Variants in LAT observed in about 807,000 individuals in gnomAD.
LAT encodes the protein linker for activation of T-cells family member 1.
LAT carries 12 observed loss-of-function variants against 39.1 expected under a neutral mutation model. That is an observed-to-expected ratio of 0.31 (90% confidence interval 0.20 to 0.50). LAT has a LOEUF of 0.50. Among genes scored for constraint, LAT ranks in the 20% least tolerant of loss-of-function variants. The probability of loss-of-function intolerance (pLI) is 0.98; values close to 1 mark genes in which losing one functional copy is unlikely to be tolerated. For synonymous variants in LAT, 117 were observed against 123.8 expected, an observed-to-expected ratio of 0.95 and a Z score of 0.36; for missense variants, 253 against 308.0, an observed-to-expected ratio of 0.82 and a Z score of 1.34.
In LAT at chr16:28,986,087, C is replaced by T; in HGVS notation, c.164-48C>T. The T allele has an allele frequency of 6.6e-7, 1 of 1,505,562 alleles. No homozygotes were observed. Among genetic ancestry groups the T allele is most frequent in the Non-Finnish European group, 9.1e-7 (1 of 1,099,026 alleles). 93.3% of individuals were successfully genotyped at this position (1,505,562 alleles called of 1,614,324 possible). A position where few individuals can be genotyped will look rare whatever the true frequency, so the allele number is the denominator to read the frequency against. On this transcript the variant is annotated intron_variant, in intron 3 of 11. Coordinates refer to ENST00000395456, the MANE Select transcript of LAT (RefSeq NM_001014987.2). This position sits in a 1 kb window ranked among gnomAD's most constrained non-coding sequence, Gnocchi z 5.7. ...AGGGGCTTAGTCTGTTCTTTGAGGCCTTGACGATGTCCGGAGTCCTTCTTT... is the reference window on the plus strand; with the variant it reads ...AGGGGCTTAGTCTGTTCTTTGAGGCTTTGACGATGTCCGGAGTCCTTCTTT...
At chr16:28,990,062 G>T in intron 11 of LAT, 43 bp downstream of exon 11, 4 of 1,519,630 alleles carry the variant, frequency 2.6e-6, no homozygotes, top group Non-Finnish European at 3.6e-6. Context: ...GGGCCCACAG[G>T]CTCTACTCCT....
Position 28,986,196 on chromosome 16 carries a change from G to A in LAT, c.225G>A (p.Gln75=). The A allele has an allele frequency of 3.7e-6, 6 of 1,601,978 alleles. No homozygotes were observed. The highest frequency in any genetic ancestry group is 5.1e-6 in the Non-Finnish European group (6 of 1,173,708). Reference sequence around the variant, plus strand: ...TCACCTCCTACCCACCCCTGAGCCAGCCAGACCTGCTCCCCATCCCGTGAG... The same window carrying A: ...TCACCTCCTACCCACCCCTGAGCCAACCAGACCTGCTCCCCATCCCGTGAG... ...PPVTSYPPLS[Q]PDLLPIPRSP... The change falls in exon 4 of 12, where the codon CAG becomes CAA. Residue 75 remains glutamine, a synonymous_variant. Transcript: ENST00000395456. The surrounding 1 kb of genome is among the most constrained non-coding windows in gnomAD (Gnocchi z 5.7).
intron 8 of LAT, among the ~76,000 whole-genome samples, chr16:28,987,351 G>A (rs559618769): frequency 7.2e-5 from 11 of 151,940 alleles, no homozygotes; most frequent in African/African-American, 2.7e-4. Context: ...GCTCTTTCTC[G>A]TTCTCTGGCT....
At chr16:28,990,079 C>T (rs1488027768) in intron 11 of LAT, 60 bp downstream of exon 11, 34 of 1,427,758 alleles carry the variant, frequency 2.4e-5, no homozygotes, top group Non-Finnish European at 3.1e-5. Flanking sequence ...TCCTTCCCTC[C>T]AGGACCCCCT....
chr16:28,989,425 T>A, intron 8 of LAT, 102 bp from the exon 9 acceptor site: 1 of 1,002,760 alleles, frequency 1.0e-6, no homozygotes, highest in Non-Finnish European at 1.5e-6. Flanking sequence ...CTCTGGGGTC[T>A]ACCGTTGGGG....
intron 8 of LAT, chr16:28,989,175 C>T (rs558867911): frequency 1.2e-4 from 27 of 224,966 alleles, no homozygotes; most frequent in Non-Finnish European, 2.1e-4. Context: ...CCTCCACACA[C>T]GCCACCAAAC....
chr16:28,987,779 T>A (rs1432613894), intron 8 of LAT: 1 of 152,092 alleles, frequency 6.6e-6, no homozygotes, highest in Non-Finnish European at 1.5e-5. Flanking sequence ...ATATAACAGT[T>A]AAGGAGGCAG....
chr16:28,986,955 G>A lies in LAT; in HGVS notation c.493+62G>A. ...TAGGGATAGGCTGGAGTGCAGTGGT[G>A]CCATTGTAGCTCGCTGCAGCCTTGA... On this transcript the variant is annotated intron_variant, in intron 8 of 11. Transcript: ENST00000395456. This position sits in a 1 kb window ranked among gnomAD's most constrained non-coding sequence, Gnocchi z 5.7. The A allele has an allele frequency of 7.4e-7, 1 of 1,357,290 alleles. No individual in the cohort carries two copies. Among genetic ancestry groups the A allele is most frequent in the Non-Finnish European group, 1.0e-6 (1 of 974,444 alleles). 84.1% of individuals were successfully genotyped at this position (1,357,290 alleles called of 1,614,324 possible).
rs1567532994 is a variant in LAT, at chr16:28,990,336, TG to T, written c.*159del. On this transcript the variant is annotated 3_prime_UTR_variant, in exon 12 of 12. Transcript: ENST00000395456. ...ATCCCCCCGTAACTTATTATCACTTTGGGGTTCGGCCTGTGTCCCCCGAACG... is the reference window on the plus strand; with the variant it reads ...ATCCCCCCGTAACTTATTATCACTTTGGGTTCGGCCTGTGTCCCCCGAACG... 2 of 560,906 alleles carry T rather than the reference TG, an allele frequency of 3.6e-6. No homozygotes were observed. Among genetic ancestry groups the T allele is most frequent in the Admixed American group, 4.5e-5 (2 of 44,280 alleles). 34.7% of individuals were successfully genotyped at this position (560,906 alleles called of 1,614,324 possible). A position where few individuals can be genotyped will look rare whatever the true frequency, so the allele number is the denominator to read the frequency against.
intron 8 of LAT, chr16:28,988,260 C>G (rs1965803149): frequency 6.6e-6 from 1 of 152,316 alleles, no homozygotes; most frequent in Non-Finnish European, 1.5e-5. Flanking sequence ...CAGGGTTTAT[C>G]TGTTTAACAG....
In LAT at chr16:28,985,738, T is replaced by C. The variant is rs139864999; in HGVS notation, c.126T>C (p.Asp42=). ...LPGSYDSTSS[D]SLYPRGIQFK... The stretch of plus-strand genomic sequence containing the variant: ...GCTCCTACGACAGCACATCCTCAGA[T>C]AGGTGAGTCCGCCCCAGCCGCCCTG... Residue 42 remains aspartate, a splice_region_variant and synonymous_variant, in exon 2 of 12, where the codon GAT becomes GAC. Coordinates refer to ENST00000395456, the MANE Select transcript of LAT (RefSeq NM_001014987.2). The surrounding 1 kb of genome is among the most constrained non-coding windows in gnomAD (Gnocchi z 4.6). 139 of 1,614,020 alleles carry C rather than the reference T, an allele frequency of 8.6e-5. No homozygotes were observed. In the African/African-American group the frequency reaches 1.7e-3, roughly 19 times the overall value.
Position 28,989,576 on chromosome 16 carries a change from A to G in LAT, c.543A>G (p.Ala181=). The part of the protein sequence containing the change: ...YVNVPESGES[A]EASLDGSREY... ...ACGTTCCGGAGAGCGGGGAGAGCGCAGAAGCGTCTCTGGGTGAGTGACCGG... is the reference window on the plus strand; with the variant it reads ...ACGTTCCGGAGAGCGGGGAGAGCGCGGAAGCGTCTCTGGGTGAGTGACCGG... The change falls in exon 9 of 12, where the codon GCA becomes GCG. Residue 181 remains alanine (A), a synonymous_variant. Coordinates refer to ENST00000395456, the MANE Select transcript of LAT (RefSeq NM_001014987.2). 1.2e-6 allele frequency: 2 copies of G among 1,611,184 alleles called. No individual in the cohort carries two copies. Among genetic ancestry groups the G allele is most frequent in the South Asian group, 1.1e-5 (1 of 90,610 alleles).
chr16:28,984,992 A>AG, upstream of LAT: 5 of 1,433,362 alleles, frequency 3.5e-6, no homozygotes, highest in Non-Finnish European at 4.6e-6. Context: ...TGGGGTGGGA[A>AG]GGGGGCGGGT....
In LAT at chr16:28,989,574, G is replaced by A. The variant is rs779585597; in HGVS notation, c.541G>A (p.Ala181Thr). 3.6e-5 allele frequency: 58 copies of A among 1,611,026 alleles called. No individual in the cohort carries two copies. The Middle Eastern group carries it at 5.0e-4, about 14-fold the overall frequency. The stretch of plus-strand genomic sequence containing the variant: ...GAACGTTCCGGAGAGCGGGGAGAGC[G>A]CAGAAGCGTCTCTGGGTGAGTGACC... The part of the protein sequence containing the change: ...YVNVPESGES[A>T]EASLDGSREY... Residue 181 changes from alanine (A) to threonine (T), a missense_variant, in exon 9 of 12, where the codon GCA (alanine) becomes ACA (threonine). Transcript: ENST00000395456.
rs1965749207 is a variant in LAT, at chr16:28,986,276, C to A, written c.245+60C>A. ...TCAGCCCCTCCCCCTCCAAACTCCA[C>A]TCTCTACCCCTTCACTTTTTTGGAT... On this transcript the variant is annotated intron_variant, in intron 4 of 11. Coordinates refer to ENST00000395456, the MANE Select transcript of LAT (RefSeq NM_001014987.2). This position sits in a 1 kb window ranked among gnomAD's most constrained non-coding sequence, Gnocchi z 5.7. 6.5e-7 allele frequency: 1 copy of A among 1,541,034 alleles called. No individual in the cohort carries two copies. Among genetic ancestry groups the A allele is most frequent in the Admixed American group, 1.8e-5 (1 of 55,662 alleles).
intron 8 of LAT, among the ~76,000 whole-genome samples, 190 bp downstream of exon 8, chr16:28,987,083 ATTTT>A (rs1046543332): frequency 6.6e-6 from 1 of 151,762 alleles, no homozygotes; most frequent in Non-Finnish European, 1.5e-5. Context: ...TATTTAAAAA[ATTTT>A]TTTTGTAGAG....
chr16:28,989,101 A>AG (rs1355228498), intron 8 of LAT: 1 of 61,512 alleles, frequency 1.6e-5, no homozygotes. Flanking sequence ...AGTGGCTGGC[A>AG]GGGGGCAGGT....
rs1272567659 is a variant in LAT, at chr16:28,985,214, C to G, written c.-204C>G. ...GGGACTTTCCACAGTCAGCTGGACG[C>G]ACACTCAGCCCAGTAAAAGAGGGGA... On this transcript the variant is annotated 5_prime_UTR_variant, in exon 1 of 12. Coordinates refer to ENST00000395456, the MANE Select transcript of LAT (RefSeq NM_001014987.2). This position sits in a 1 kb window ranked among gnomAD's most constrained non-coding sequence, Gnocchi z 4.6. The G allele has an allele frequency of 2.8e-6, 4 of 1,432,038 alleles. No homozygotes were observed. The highest frequency in any genetic ancestry group is 3.6e-6 in the Non-Finnish European group (4 of 1,097,634). The allele number at this position is 1,432,038 out of a possible 1,614,324, so 88.7% of individuals were successfully genotyped here.
chr16:28,989,228 A>G (rs939767253), intron 8 of LAT: 3 of 333,336 alleles, frequency 9.0e-6, no homozygotes, highest in African/African-American at 6.4e-5. Flanking sequence ...TCCCCAGCCT[A>G]GGGGCTGTGC....
Sources: gnomAD v4.1 joint callset for allele counts (sites outside exome capture counted in the v4.1 genomes callset) on GRCh38, gnomAD v4.1.1 for gene constraint, Gnocchi (gnomAD v3.1) non-coding constraint, MANE v1.5 for transcripts, NCBI Gene and HGNC (gene_info 2026-07-23, HGNC 2026-07-21) for gene names.